Variants in GARNL3 observed in about 807,000 individuals in gnomAD.
GARNL3 encodes GTPase-activating Rap/Ran-GAP domain-like protein 3.
GARNL3 carries 63 observed loss-of-function variants against 125.0 expected under a neutral mutation model. The observed-to-expected ratio is 0.50, with a 90% CI of 0.41 to 0.62. The LOEUF (loss-of-function observed/expected upper bound fraction) is 0.62, where lower values mean the gene tolerates loss of function less well. Among genes scored for constraint, GARNL3 ranks in the 20% least tolerant of loss-of-function variants. GARNL3 has a pLI of 0.00. For missense variants in GARNL3, 994 were observed against 1,244.0 expected, an observed-to-expected ratio of 0.80 and a Z score of 3.02; for synonymous variants, 439 against 457.5, an observed-to-expected ratio of 0.96 and a Z score of 0.52.
At chr9:127,305,776 T>C (rs2064937642) in intron 2 of GARNL3, among the ~76,000 whole-genome samples, 1 of 152,046 alleles carries the variant, frequency 6.6e-6, no homozygotes, top group African/African-American at 2.4e-5. Context: ...ATTTATTTAT[T>C]TCTTGTAAAG....
chr9:127,359,225 C>G (rs1429233773), intron 21 of GARNL3, among the ~76,000 whole-genome samples: 4 of 152,196 alleles, frequency 2.6e-5, no homozygotes, highest in African/African-American at 9.7e-5. Context: ...CACAGTGGCT[C>G]ACACCTGTAA....
intron 22 of GARNL3, among the ~76,000 whole-genome samples, chr9:127,378,326 G>A (rs1286144849): frequency 2.0e-5 from 3 of 151,238 alleles, no homozygotes; most frequent in African/African-American, 7.3e-5. Flanking sequence ...CCATGGTCAC[G>A]CCTGTAATCC....
intron 24 of GARNL3, among the ~76,000 whole-genome samples, chr9:127,386,746 G>C (rs1216569743): frequency 6.6e-6 from 1 of 152,256 alleles, no homozygotes; most frequent in Non-Finnish European, 1.5e-5. Context: ...GCTGTTAGCA[G>C]CAGCGCCAGC....
intron 7 of GARNL3, among the ~76,000 whole-genome samples, chr9:127,327,864 A>G (rs187237607): frequency 6.6e-6 from 1 of 152,394 alleles, no homozygotes. Context: ...ACCTGCAGTC[A>G]CAAAGACAAC....
intron 1 of GARNL3, among the ~76,000 whole-genome samples, chr9:127,230,744 A>C (rs2062985845): frequency 6.6e-6 from 1 of 150,458 alleles, no homozygotes; most frequent in East Asian, 1.9e-4. Context: ...TTGTCTATTC[A>C]GTTTTTCCTC....
intron 2 of GARNL3, among the ~76,000 whole-genome samples, chr9:127,298,444 A>G (rs1356528432): frequency 2.0e-5 from 3 of 152,096 alleles, no homozygotes; most frequent in Admixed American, 2.0e-4. Context: ...CTCCCAAAGC[A>G]CTAGGATTAC....
intron 2 of GARNL3, among the ~76,000 whole-genome samples, chr9:127,249,083 C>A (rs1351924000): frequency 2.2e-4 from 32 of 148,676 alleles, no homozygotes; most frequent in Admixed American, 2.0e-3. Flanking sequence ...TCTTCCCTGT[C>A]TTAATAGAGT....
At chr9:127,291,301 A>T (rs955923509) in intron 2 of GARNL3, 59 bp downstream of exon 2, 2 of 1,422,926 alleles carry the variant, frequency 1.4e-6, no homozygotes, top group African/African-American at 2.8e-5. Flanking sequence ...AGTGCCTGGG[A>T]TATAGCAGTG....
At chr9:127,378,669 G>C (rs948287400) in intron 22 of GARNL3, among the ~76,000 whole-genome samples, 4 of 150,764 alleles carry the variant, frequency 2.7e-5, no homozygotes, top group Non-Finnish European at 4.4e-5. Flanking sequence ...ATTTACAAAA[G>C]AAAGAAATCC....
intron 7 of GARNL3, among the ~76,000 whole-genome samples, chr9:127,328,789 C>T (rs1451035405): frequency 6.6e-6 from 1 of 152,066 alleles, no homozygotes; most frequent in Non-Finnish European, 1.5e-5. Flanking sequence ...TACTGATTTC[C>T]AAGAATGTGA....
At chr9:127,231,746 A>G (rs2063022921) in intron 1 of GARNL3, among the ~76,000 whole-genome samples, 2 of 152,212 alleles carry the variant, frequency 1.3e-5, no homozygotes, top group South Asian at 2.1e-4. Flanking sequence ...CTTAGTCGGA[A>G]TCTGTGGAAT....
Position 127,384,799 on chromosome 9 carries a change from A to G in GARNL3, c.2270-228A>G, listed in dbSNP as rs1832454426. 6.6e-6 allele frequency among the ~76,000 whole-genome samples: 1 copy of G among 152,206 alleles called. No homozygotes were observed. The highest frequency in any genetic ancestry group is 1.5e-5 in the Non-Finnish European group (1 of 68,032). On this transcript the variant is annotated intron_variant, in intron 23 of 27. Transcript: ENST00000373387. The surrounding 1 kb of genome is among the most constrained non-coding windows in gnomAD (Gnocchi z 4.0). ...GGAAAATGGCAGCAAGCATGGTGAC[A>G]GTGCACACCTCCTGGGAGGCGCAGT...
Position 127,332,342 on chromosome 9 carries a change from C to G in GARNL3, c.663C>G (p.Phe221Leu). Residue 221 changes from phenylalanine (F) to leucine (L), a missense_variant, in exon 8 of 28, where the codon TTC (phenylalanine) becomes TTG (leucine). Transcript: ENST00000373387. Reference protein sequence around the residue: ...KDGQLTDDEMFSNEIGSEPFQ... With the variant: ...KDGQLTDDEMLSNEIGSEPFQ... ...GGCAGCTCACTGATGATGAGATGTT[C>G]AGCAATGGTGAGTGATCTCCTCCCG... The G allele has an allele frequency of 6.2e-7, 1 of 1,613,404 alleles. No homozygotes were observed. The highest frequency in any genetic ancestry group is 8.5e-7 in the Non-Finnish European group (1 of 1,179,384).
In GARNL3 at chr9:127,351,759, T is replaced by C. The variant is rs535751043; in HGVS notation, c.1544-2087T>C. On this transcript the variant is annotated intron_variant, in intron 17 of 27. Coordinates refer to ENST00000373387, the MANE Select transcript of GARNL3 (RefSeq NM_032293.5). Reference sequence around the variant, plus strand: ...TATCCTAAGTTAGCAAAACCTACTTTGAAAGGAAACTGAATACTGATTAAA... The same window carrying C: ...TATCCTAAGTTAGCAAAACCTACTTCGAAAGGAAACTGAATACTGATTAAA... Among the ~76,000 whole-genome samples the C allele has an allele frequency of 1.2e-3, 177 of 152,322 alleles. 2 individuals carry two copies. The highest frequency in any genetic ancestry group is 4.0e-3 in the African/African-American group (167 of 41,562).
At chr9:127,274,440 C>T (rs1012701526) in intron 1 of GARNL3, among the ~76,000 whole-genome samples, 5 of 152,196 alleles carry the variant, frequency 3.3e-5, no homozygotes, top group African/African-American at 1.2e-4. Context: ...CATCAGCATG[C>T]TCTCTAGTTT....
intron 22 of GARNL3, among the ~76,000 whole-genome samples, chr9:127,381,342 C>G (rs1039335304): frequency 6.6e-6 from 1 of 152,144 alleles, no homozygotes; most frequent in African/African-American, 2.4e-5. Context: ...TCTACAGACT[C>G]ATCAAGTTGC....
intron 25 of GARNL3, 51 bp from the exon 26 acceptor site, chr9:127,388,853 A>G (rs745629371): frequency 1.9e-6 from 2 of 1,061,486 alleles, no homozygotes. Flanking sequence ...TCTTGTAAAT[A>G]ATGTGCACTT....
Position 127,333,043 on chromosome 9 carries a change from C to G in GARNL3, c.691C>G (p.Gln231Glu), listed in dbSNP as rs1564149224. 1 of 1,614,004 alleles carries G rather than the reference C, an allele frequency of 6.2e-7. No homozygotes were observed. The highest frequency in any genetic ancestry group is 8.5e-7 in the Non-Finnish European group (1 of 1,179,892). Residue 231 changes from glutamine (Q) to glutamate (E), a missense_variant, in exon 9 of 28, where the codon CAA becomes GAA. Around this residue, in one of 5 missense-constraint regions of GARNL3, gnomAD observed 71 missense variants for 66.2 expected, o/e 1.07. Transcript: ENST00000373387. ...TGCAGAAATTGGAAGCGAGCCTTTT[C>G]AAAAATTTTTAAATCTTCTGGGTGA... ...FSNEIGSEPF[Q>E]KFLNLLGDTI...
intron 24 of GARNL3, among the ~76,000 whole-genome samples, chr9:127,386,639 AG>A (rs1412838735): frequency 3.3e-5 from 5 of 152,180 alleles, no homozygotes; most frequent in African/African-American, 1.2e-4. Flanking sequence ...TTGTTTTTTT[AG>A]GTTTGTATAA....
Sources: gnomAD v4.1 joint callset for allele counts (sites outside exome capture counted in the v4.1 genomes callset) on GRCh38, gnomAD v4.1.1 for gene constraint, gnomAD v4.1.1 regional missense constraint, Gnocchi (gnomAD v3.1) non-coding constraint, MANE v1.5 for transcripts, NCBI Gene and HGNC (gene_info 2026-07-23, HGNC 2026-07-21) for gene names.